The following VMA22 variants were observed in gnomAD, a reference collection of about 807,000 sequenced individuals.
VMA22 encodes the protein vacuolar ATPase assembly factor VMA22, also known as vacuolar ATPase assembly protein VMA22.
chr2:130,341,068 G>A, the VMA22 span: 3 of 1,566,718 alleles, frequency 1.9e-6, no homozygotes, highest in South Asian at 1.2e-5. Context: ...GAGGAGGCTG[G>A]GATCTTACTC....
the VMA22 span, chr2:130,339,239 G>A: frequency 6.2e-7 from 1 of 1,611,444 alleles, no homozygotes; most frequent in Non-Finnish European, 8.5e-7. Context: ...AGGCCTGGAG[G>A]AAAGGAGAGA....
At chr2:130,342,651 G>A in the VMA22 span, 1 of 496,040 alleles carries the variant, frequency 2.0e-6, no homozygotes, top group Non-Finnish European at 3.6e-6. Context: ...GGACGAGGAT[G>A]GAGAAGCCTG....
the VMA22 span, chr2:130,341,007 G>A: frequency 3.7e-6 from 6 of 1,612,328 alleles, no homozygotes; most frequent in Non-Finnish European, 5.1e-6. Context: ...TCCGGTTCTG[G>A]GGTCTTAGTG....
the VMA22 span, chr2:130,339,290 G>A: frequency 1.1e-4 from 165 of 1,486,124 alleles, no homozygotes; most frequent in Non-Finnish European, 1.5e-4. Flanking sequence ...CGACCCAGGA[G>A]GATCTGGATA....
the VMA22 span, chr2:130,338,944 T>C: frequency 5.0e-6 from 3 of 595,544 alleles, no homozygotes; most frequent in African/African-American, 1.9e-5. Context: ...AAATTACTGT[T>C]TGCCTCTTCA....
chr2:130,338,649 GCT>G, the VMA22 span: 1 of 154,668 alleles, frequency 6.5e-6, no homozygotes, highest in Admixed American at 6.5e-5. Context: ...GGGCTGCCCA[GCT>G]ACTCAGGTGT....
At chr2:130,342,347 A>G in the VMA22 span, 7 of 781,774 alleles carry the variant, frequency 9.0e-6, no homozygotes, top group Admixed American at 2.0e-4. Context: ...TTAGCCCCCA[A>G]GTGGATCAGC....
the VMA22 span, chr2:130,340,681 G>C: frequency 7.0e-6 from 4 of 568,448 alleles, no homozygotes; most frequent in African/African-American, 5.6e-5. Context: ...AAAAGTGTTT[G>C]TCTCTTTTGT....
chr2:130,339,454 A>T, the VMA22 span: 1 of 1,408,880 alleles, frequency 7.1e-7, no homozygotes, highest in South Asian at 1.5e-5. Flanking sequence ...GACTTCCTGG[A>T]CCCATTATAT....
the VMA22 span, chr2:130,339,154 T>C: frequency 3.7e-6 from 6 of 1,614,024 alleles, no homozygotes; most frequent in Admixed American, 1.0e-4. Context: ...CTTGAGTTTC[T>C]CTTGGAGTCC....
chr2:130,341,138 A>C, the VMA22 span: 10 of 1,384,878 alleles, frequency 7.2e-6, no homozygotes, highest in Admixed American at 1.2e-4. Context: ...GATTCTATAA[A>C]ACACTGTTGG....
the VMA22 span, chr2:130,340,411 A>T: frequency 3.0e-5 from 6 of 202,056 alleles, no homozygotes; most frequent in South Asian, 4.0e-4. Context: ...ACATCACCTG[A>T]CTCCACTCTA....
the VMA22 span, chr2:130,341,769 G>A: frequency 1.7e-5 from 28 of 1,609,132 alleles, no homozygotes; most frequent in African/African-American, 3.1e-4. Context: ...GAGAAGGGAG[G>A]ATGGAGCTTT....
At chr2:130,342,337 T>G in the VMA22 span, 1 of 872,374 alleles carries the variant, frequency 1.1e-6, no homozygotes, top group South Asian at 1.7e-5. Flanking sequence ...GTTTCTCCAA[T>G]TAGCCCCCAA....
At chr2:130,340,238 T>G in the VMA22 span, 2 of 164,556 alleles carry the variant, frequency 1.2e-5, no homozygotes, top group African/African-American at 2.4e-5. Context: ...CCTCCTCCAG[T>G]GACGCTATCT....
At chr2:130,339,659 C>T in the VMA22 span, 1 of 1,304,798 alleles carries the variant, frequency 7.7e-7, no homozygotes. Context: ...CTGCCCAGTC[C>T]TCCGGGCAGC....
chr2:130,341,000 G>C, the VMA22 span: 1 of 1,612,678 alleles, frequency 6.2e-7, no homozygotes, highest in Non-Finnish European at 8.5e-7. Flanking sequence ...AGAGGACTCC[G>C]GTTCTGGGGT....
the VMA22 span, chr2:130,339,712 A>T: frequency 7.7e-7 from 1 of 1,304,114 alleles, no homozygotes; most frequent in African/African-American, 1.5e-5. Context: ...CTGACCACAC[A>T]TTGGATCACT....
chr2:130,342,428 C>T, the VMA22 span: 1 of 563,084 alleles, frequency 1.8e-6, no homozygotes. Flanking sequence ...TTAGAAGTCG[C>T]GCCACTGTTG....
Sources: allele counts gnomAD v4.1 joint callset, GRCh38; gene constraint gnomAD v4.1.1; transcripts MANE v1.5; gene names NCBI Gene and HGNC (gene_info 2026-07-23, HGNC 2026-07-21).